Variants in SLCO2A1 observed in about 807,000 individuals in gnomAD.
SLCO2A1 encodes the protein solute carrier organic anion transporter family member 2A1, also known as matrin F/G 1.
A neutral mutation model predicts 71.7 loss-of-function variants in SLCO2A1; 60 were observed. That is an observed-to-expected ratio of 0.84 (90% CI 0.68 to 1.04). The LOEUF is 1.04. Ranked by LOEUF, SLCO2A1 falls within the 50% of genes least tolerant of loss-of-function variation. The probability of loss-of-function intolerance (pLI) is 0.00; values close to 1 mark genes in which losing one functional copy is unlikely to be tolerated. For missense variants in SLCO2A1, 745 were observed against 813.4 expected, an observed-to-expected ratio of 0.92 and a Z score of 1.02; for synonymous variants, 308 against 326.7, an observed-to-expected ratio of 0.94 and a Z score of 0.62.
chr3:133,997,866 G>A (rs565765781), intron 1 of SLCO2A1, among the ~76,000 whole-genome samples: 19 of 152,310 alleles, frequency 1.2e-4, no homozygotes, highest in African/African-American at 2.6e-4. Flanking sequence ...GTAAAATGAC[G>A]GGCAAGTTAC....
At chr3:134,027,216 C>T (rs1337448930) in intron 1 of SLCO2A1, among the ~76,000 whole-genome samples, 1 of 152,182 alleles carries the variant, frequency 6.6e-6, no homozygotes, top group Non-Finnish European at 1.5e-5. Flanking sequence ...TTGTCTTATG[C>T]CCAATTTCTG....
chr3:133,935,960 T>C (rs1012277697), intron 12 of SLCO2A1, 63 bp from the exon 13 acceptor site: 2 of 1,445,076 alleles, frequency 1.4e-6, no homozygotes, highest in Non-Finnish European at 1.8e-6. Context: ...CCAGCAGGGG[T>C]GTGGGAGCCA....
rs1935785272 is a variant in SLCO2A1 at position 134,029,776 on chromosome 3, C to A, written c.27G>T (p.Ala9=). The A allele has an allele frequency of 1.3e-6, 2 of 1,552,852 alleles. No individual in the cohort carries two copies. The highest frequency in any genetic ancestry group is 1.7e-6 in the Non-Finnish European group (2 of 1,155,272). ...TAGTAGAGGTGTCGCTGCCCTGGGA[C>A]GCGCCGAGCTTGGGCAGGAGCCCCA... MGLLPKLG[A]SQGSDTSTSR... is the part of the protein sequence containing the mutation. Residue 9 remains alanine, a synonymous_variant, in exon 1 of 14, where the codon GCG becomes GCT. Coordinates refer to ENST00000310926, the MANE Select transcript of SLCO2A1 (RefSeq NM_005630.3).
intron 1 of SLCO2A1, among the ~76,000 whole-genome samples, chr3:134,026,800 T>C (rs973003829): frequency 3.9e-5 from 6 of 152,196 alleles, no homozygotes; most frequent in African/African-American, 1.4e-4. Context: ...ACCTTTCTAA[T>C]TGCTGCCTAC....
At chr3:133,959,272 C>T (rs951743177) in intron 3 of SLCO2A1, among the ~76,000 whole-genome samples, 1 of 152,080 alleles carries the variant, frequency 6.6e-6, no homozygotes, top group Non-Finnish European at 1.5e-5. Flanking sequence ...GGCACAGGTA[C>T]TGTGCCTAAC....
At chr3:134,014,240 G>A (rs1935397760) in intron 1 of SLCO2A1, among the ~76,000 whole-genome samples, 1 of 152,152 alleles carries the variant, frequency 6.6e-6, no homozygotes, top group Admixed American at 6.5e-5. Context: ...TGACCAGACT[G>A]AGTGTTCCGA....
At position 133,934,152 on chromosome 3, in the gene SLCO2A1, G is replaced by C. The variant is rs370993959; in HGVS notation, c.*561C>G. ...TAGGTACAGGAAGTGAGGGTCTGAG[G>C]GGGAGGGAGCCAGCCCCTCCCGTAG... On this transcript the variant is annotated 3_prime_UTR_variant, in exon 14 of 14. Coordinates refer to ENST00000310926, the MANE Select transcript of SLCO2A1 (RefSeq NM_005630.3). The C allele has an allele frequency of 1.3e-5, 2 of 152,486 alleles. No individual in the cohort carries two copies. The highest frequency in any genetic ancestry group is 4.8e-5 in the African/African-American group (2 of 41,434). 9.4% of individuals were successfully genotyped at this position (152,486 alleles called of 1,614,324 possible).
At chr3:133,945,059 G>A (rs1304875194) in intron 10 of SLCO2A1, 36 bp downstream of exon 10, 2 of 1,585,424 alleles carry the variant, frequency 1.3e-6, no homozygotes, top group East Asian at 4.5e-5. Context: ...AGATCCTGTG[G>A]GGCTCCTCTT....
chr3:133,976,079 T>C (rs1934438756), intron 2 of SLCO2A1, among the ~76,000 whole-genome samples: 1 of 152,192 alleles, frequency 6.6e-6, no homozygotes, highest in Non-Finnish European at 1.5e-5. Flanking sequence ...AACAAATGAA[T>C]GAATGAGTAA....
chr3:133,934,855 G>T, intron 13 of SLCO2A1, 25 bp from the exon 14 acceptor site: 1 of 1,569,706 alleles, frequency 6.4e-7, no homozygotes, highest in Non-Finnish European at 8.7e-7. Context: ...AGGCAGGACT[G>T]GTGAGGGAGG....
intron 1 of SLCO2A1, among the ~76,000 whole-genome samples, chr3:133,995,506 TG>T (rs1277303461): frequency 6.6e-6 from 1 of 152,188 alleles, no homozygotes; most frequent in Admixed American, 6.5e-5. Flanking sequence ...TCTTTGTGGG[TG>T]GGGGCCATCC....
chr3:133,971,673 C>T (rs957160272), intron 3 of SLCO2A1, among the ~76,000 whole-genome samples: 3 of 152,142 alleles, frequency 2.0e-5, no homozygotes, highest in Non-Finnish European at 2.9e-5. Context: ...AAACCAAAAT[C>T]GATTATTCCC....
chr3:133,985,841 C>A (rs901119832), intron 1 of SLCO2A1, among the ~76,000 whole-genome samples: 20 of 152,338 alleles, frequency 1.3e-4, no homozygotes, highest in African/African-American at 4.8e-4. Flanking sequence ...TGGGAGGCTG[C>A]AGACTTGTTC....
At chr3:133,977,040 G>A (rs4574290) in intron 2 of SLCO2A1, among the ~76,000 whole-genome samples, 1 of 151,938 alleles carries the variant, frequency 6.6e-6, no homozygotes, top group South Asian at 2.1e-4. Flanking sequence ...TCCACCACCC[G>A]GGCAGCCTCA....
At chr3:133,951,073 T>C in intron 6 of SLCO2A1, 135 bp downstream of exon 6, 2 of 1,205,212 alleles carry the variant, frequency 1.7e-6, no homozygotes, top group South Asian at 2.4e-5. Flanking sequence ...TGGGAAGTCC[T>C]GCATCATGAA....
chr3:133,970,229 A>T (rs940564219), intron 3 of SLCO2A1, among the ~76,000 whole-genome samples: 1 of 152,198 alleles, frequency 6.6e-6, no homozygotes, highest in African/African-American at 2.4e-5. Context: ...TAAATTCTGA[A>T]CAGGCACCTT....
chr3:134,017,961 G>C (rs1484656261), intron 1 of SLCO2A1, among the ~76,000 whole-genome samples: 1 of 152,146 alleles, frequency 6.6e-6, no homozygotes, highest in Non-Finnish European at 1.5e-5. Flanking sequence ...TCAGAAAGAG[G>C]TGAGGTGAAA....
At chr3:133,999,866 C>T (rs893501712) in intron 1 of SLCO2A1, among the ~76,000 whole-genome samples, 5 of 152,134 alleles carry the variant, frequency 3.3e-5, no homozygotes, top group African/African-American at 1.2e-4. Flanking sequence ...AGAGAAGCTA[C>T]GGAATTTTAT....
intron 3 of SLCO2A1, chr3:133,955,412 G>A: frequency 3.6e-6 from 2 of 562,674 alleles, no homozygotes; most frequent in Non-Finnish European, 6.3e-6. Context: ...TGGAATGTGG[G>A]CTCCCCGGCC....
Sources: allele counts gnomAD v4.1 joint callset (sites outside exome capture counted in the v4.1 genomes callset), GRCh38; gene constraint gnomAD v4.1.1; transcripts MANE v1.5; gene names NCBI Gene and HGNC (gene_info 2026-07-23, HGNC 2026-07-21).